Variants in OR52A1 observed in about 807,000 individuals in gnomAD.
The protein encoded by OR52A1 is olfactory receptor family 52 subfamily A member 1, also known as olfactory receptor 52A1.
OR52A1 carries 14 observed loss-of-function variants against 14.3 expected under a neutral mutation model. The ratio of observed to expected loss-of-function variants is 0.98; its 90% CI spans 0.65 to 1.54. The LOEUF (loss-of-function observed/expected upper bound fraction) is 1.54, where lower values mean the gene tolerates loss of function less well. Among genes scored for constraint, OR52A1 ranks in the 40% most tolerant of loss-of-function variants. The pLI is 0.00. For synonymous variants in OR52A1, 151 were observed against 135.3 expected, an observed-to-expected ratio of 1.12 and a Z score of -0.80; for missense variants, 405 against 381.3, an observed-to-expected ratio of 1.06 and a Z score of -0.52.
At position 5,148,738 on chromosome 11, in the gene OR52A1, G is replaced by A. The variant is rs1256838100; in HGVS notation, c.*2693C>T. The A allele has an allele frequency of 6.6e-6, 1 of 151,934 alleles. No homozygotes were observed. The highest frequency in any genetic ancestry group is 1.5e-5 in the Non-Finnish European group (1 of 67,982). The allele number at this position is 151,934 out of a possible 1,614,324, so 9.4% of individuals were successfully genotyped here. On this transcript the variant is annotated 3_prime_UTR_variant, in exon 2 of 2. Coordinates refer to ENST00000380367, the MANE Select transcript of OR52A1 (RefSeq NM_012375.3). Reference sequence around the variant, plus strand: ...TTTACTCATCAAATTTTAAACTCAAGAAGAAAATAAATGGACACAAATTAG... The same window carrying A: ...TTTACTCATCAAATTTTAAACTCAAAAAGAAAATAAATGGACACAAATTAG...
rs375590804 is a variant in OR52A1, at chr11:5,151,768, T to C, written c.602A>G (p.Tyr201Cys). ...AAANVQVNKI[Y>C]GLFVAFTVAG... ...TACAGTGAAGGCCACAAACAAACCA[T>C]AGATTTTGTTGACTTGAACATTTGC... is the stretch of plus-strand genomic sequence containing the variant. The change falls in exon 2 of 2, where the codon TAT becomes TGT. Residue 201 changes from tyrosine (Y) to cysteine (C), a missense_variant. Physicochemically the swap from Tyr to Cys is radical, Grantham distance 194. Coordinates refer to ENST00000380367, the MANE Select transcript of OR52A1 (RefSeq NM_012375.3). 2.4e-5 allele frequency: 39 copies of C among 1,614,038 alleles called. No homozygotes were observed. Among genetic ancestry groups the C allele is most frequent in the Non-Finnish European group, 3.1e-5 (36 of 1,180,018 alleles).
Position 5,149,466 on chromosome 11 carries a change from ACT to A in OR52A1, c.*1963_*1964del, listed in dbSNP as rs1006442598. On this transcript the variant is annotated 3_prime_UTR_variant, in exon 2 of 2. Transcript: ENST00000380367. ...TTGTAATCAATTTGGTGATGGGGAA[ACT>A]CTAACTTTCAGCTACACTTTGTTAC... 3.9e-5 allele frequency: 6 copies of A among 152,046 alleles called. No individual in the cohort carries two copies. The highest frequency in any genetic ancestry group is 1.4e-4 in the African/African-American group (6 of 41,390). The allele number at this position is 152,046 out of a possible 1,614,324, so 9.4% of individuals were successfully genotyped here. A position where few individuals can be genotyped will look rare whatever the true frequency, so the allele number is the denominator to read the frequency against.
rs1564852894 is a variant in OR52A1 at position 5,151,427 on chromosome 11, G to A, written c.*4C>T. ...AAGCATGTAGGCATTAATTAAGGTG[G>A]ATTTTATGAACAGAACATTTTTACC... is the stretch of plus-strand genomic sequence containing the variant. On this transcript the variant is annotated 3_prime_UTR_variant, in exon 2 of 2. Coordinates refer to ENST00000380367, the MANE Select transcript of OR52A1 (RefSeq NM_012375.3). The A allele has an allele frequency of 6.3e-7, 1 of 1,594,242 alleles. No homozygotes were observed. Among genetic ancestry groups the A allele is most frequent in the South Asian group, 1.1e-5 (1 of 87,524 alleles).
Position 5,146,858 on chromosome 11 carries a change from C to T in OR52A1, c.*4573G>A, listed in dbSNP as rs371939524. 9.8e-5 allele frequency: 15 copies of T among 152,286 alleles called. No homozygotes were observed. Among genetic ancestry groups the T allele is most frequent in the Middle Eastern group, 6.8e-3 (2 of 294 alleles). 9.4% of individuals were successfully genotyped at this position (152,286 alleles called of 1,614,324 possible). ...GTTAGTCTCAGACCTTGCATGGAGG[C>T]GACCACAGTTACTGTCCTCTGTTCC... is the stretch of plus-strand genomic sequence containing the variant. On this transcript the variant is annotated 3_prime_UTR_variant, in exon 2 of 2. Transcript: ENST00000380367.
intron 1 of OR52A1, among the ~76,000 whole-genome samples, chr11:5,153,758 G>A (rs1011782879): frequency 6.7e-6 from 1 of 149,532 alleles, no homozygotes; most frequent in Non-Finnish European, 1.5e-5. Context: ...CTAACCGTAT[G>A]CTTCATGTCA....
At position 5,151,727 on chromosome 11, in the gene OR52A1, T is replaced by G; in HGVS notation, c.643A>C (p.Thr215Pro). ...TGGATGTAGGACAATGTGATGAATG[T>G]GAGGTCAAATCCTGCTACAGTGAAG... is the stretch of plus-strand genomic sequence containing the variant. ...VAFTVAGFDL[T>P]FITLSYIQIF... The change falls in exon 2 of 2, where the codon ACA (threonine) becomes CCA (proline). Residue 215 changes from threonine to proline, a missense_variant. By Grantham distance (38) the Thr-to-Pro change is conservative. Transcript: ENST00000380367. The G allele has an allele frequency of 6.2e-7, 1 of 1,614,204 alleles. No individual in the cohort carries two copies. The highest frequency in any genetic ancestry group is 8.5e-7 in the Non-Finnish European group (1 of 1,180,026).
chr11:5,152,364 G>A lies in OR52A1; in HGVS notation c.6C>T (p.Ser2=). 1 of 1,593,198 alleles carries A rather than the reference G, an allele frequency of 6.3e-7. No homozygotes were observed. The highest frequency in any genetic ancestry group is 8.6e-7 in the Non-Finnish European group (1 of 1,165,190). The change falls in exon 2 of 2, where the codon TCC becomes TCT. Residue 2 remains serine, a synonymous_variant. Transcript: ENST00000380367. ...GCATGTAGACTGTGATGTTGGAAAT[G>A]GACATAGTGTCGTTGGGTCTCCTGA... is the stretch of plus-strand genomic sequence containing the variant. M[S]ISNITVYMPS... is the part of the protein sequence containing the mutation.
chr11:5,151,571 A>T lies in OR52A1; in HGVS notation c.799T>A (p.Phe267Ile). 1 of 1,614,098 alleles carries T rather than the reference A, an allele frequency of 6.2e-7. No individual in the cohort carries two copies. The highest frequency in any genetic ancestry group is 8.5e-7 in the Non-Finnish European group (1 of 1,179,968). The change falls in exon 2 of 2, where the codon TTT (phenylalanine) becomes ATT (isoleucine). Residue 267 changes from phenylalanine to isoleucine, a missense_variant. By Grantham distance (21) the Phe-to-Ile change is conservative. Transcript: ENST00000380367. Reference sequence around the variant, plus strand: ...ATATAAGGGGAGATGTGAGACCCAAACCTATGTGTGAAGAAGGAGAAGAAG... The same window carrying T: ...ATATAAGGGGAGATGTGAGACCCAATCCTATGTGTGAAGAAGGAGAAGAAG... ...LAFFSFFTHR[F>I]GSHISPYIHI...
Position 5,147,573 on chromosome 11 carries a change from C to T in OR52A1, c.*3858G>A, listed in dbSNP as rs1056351453. 2.6e-5 allele frequency: 4 copies of T among 152,152 alleles called. No homozygotes were observed. The highest frequency in any genetic ancestry group is 5.9e-5 in the Non-Finnish European group (4 of 68,012). 9.4% of individuals were successfully genotyped at this position (152,152 alleles called of 1,614,324 possible). On this transcript the variant is annotated 3_prime_UTR_variant, in exon 2 of 2. Transcript: ENST00000380367. ...TCCCTGCAGATTTTGGATTTGCCAG[C>T]CTTCATAACTGTGTGAGTCAGGTTC...
Position 5,152,637 on chromosome 11 carries a change from A to C in OR52A1, c.-268T>G. The C allele has an allele frequency of 2.8e-6, 1 of 351,070 alleles. No homozygotes were observed. The highest frequency in any genetic ancestry group is 2.1e-5 in the African/African-American group (1 of 48,490). 21.7% of individuals were successfully genotyped at this position (351,070 alleles called of 1,614,324 possible). A position where few individuals can be genotyped will look rare whatever the true frequency, so the allele number is the denominator to read the frequency against. ...AATCCAAATACATTAGAACCAGCAA[A>C]ATCACCTGGACAGGGGATTGGACTA... On this transcript the variant is annotated 5_prime_UTR_variant, in exon 2 of 2. In the 5' UTR this introduces an upstream ATG that the reference lacks. Coordinates refer to ENST00000380367, the MANE Select transcript of OR52A1 (RefSeq NM_012375.3).
At position 5,152,470 on chromosome 11, in the gene OR52A1, C is replaced by T; in HGVS notation, c.-101G>A. On this transcript the variant is annotated 5_prime_UTR_variant, in exon 2 of 2. Coordinates refer to ENST00000380367, the MANE Select transcript of OR52A1 (RefSeq NM_012375.3). ...TTTCTCCAAACTCATTATATTGAGT[C>T]TGTCTGATTTGGGTATAACTCTAAA... 6 of 797,912 alleles carry T rather than the reference C, an allele frequency of 7.5e-6. No homozygotes were observed. Among genetic ancestry groups the T allele is most frequent in the Middle Eastern group, 2.4e-4 (1 of 4,218 alleles). 49.4% of individuals were successfully genotyped at this position (797,912 alleles called of 1,614,324 possible).
rs965227352 is a variant in OR52A1 at position 5,149,688 on chromosome 11, A to G, written c.*1743T>C. The G allele has an allele frequency of 6.6e-6, 1 of 152,220 alleles. No homozygotes were observed. 9.4% of individuals were successfully genotyped at this position (152,220 alleles called of 1,614,324 possible). ...TCTTTTTCCATAAAGCCTTAGCTAT[A>G]TATTATTTGGCCATTTATGTAAAAG... is the stretch of plus-strand genomic sequence containing the variant. On this transcript the variant is annotated 3_prime_UTR_variant, in exon 2 of 2. Coordinates refer to ENST00000380367, the MANE Select transcript of OR52A1 (RefSeq NM_012375.3).
chr11:5,148,511 C>A lies in OR52A1; in HGVS notation c.*2920G>T, dbSNP rs1846507195. ...AAAGTGCTGGGATTACAGGCGTGAG[C>A]CACCGCACCCGGCCTGAAAGCATTT... On this transcript the variant is annotated 3_prime_UTR_variant, in exon 2 of 2. Coordinates refer to ENST00000380367, the MANE Select transcript of OR52A1 (RefSeq NM_012375.3). The A allele has an allele frequency of 6.6e-6, 1 of 152,378 alleles. No individual in the cohort carries two copies. The highest frequency in any genetic ancestry group is 2.4e-5 in the African/African-American group (1 of 41,428). The allele number at this position is 152,378 out of a possible 1,614,324, so 9.4% of individuals were successfully genotyped here. A position where few individuals can be genotyped will look rare whatever the true frequency, so the allele number is the denominator to read the frequency against.
At position 5,148,227 on chromosome 11, in the gene OR52A1, C is replaced by CT. The variant is rs59229196; in HGVS notation, c.*3203dup. 1.9e-3 allele frequency: 236 copies of CT among 123,804 alleles called. 2 individuals are homozygous for CT. Among genetic ancestry groups the CT allele is most frequent in the African/African-American group, 6.5e-3 (223 of 34,482 alleles). 7.7% of individuals were successfully genotyped at this position (123,804 alleles called of 1,614,324 possible). ...AGCTAGAAGGTTCAGTTCCTGAAAT[C>CT]TTTTTTTTTTTTTTTTGAGACGGTG... is the stretch of plus-strand genomic sequence containing the variant. On this transcript the variant is annotated 3_prime_UTR_variant, in exon 2 of 2. Coordinates refer to ENST00000380367, the MANE Select transcript of OR52A1 (RefSeq NM_012375.3).
rs1589863748 is a variant in OR52A1, at chr11:5,146,877, C to T, written c.*4554G>A. The T allele has an allele frequency of 6.6e-6, 1 of 152,250 alleles. No individual in the cohort carries two copies. Among genetic ancestry groups the T allele is most frequent in the African/African-American group, 2.4e-5 (1 of 41,472 alleles). The allele number at this position is 152,250 out of a possible 1,614,324, so 9.4% of individuals were successfully genotyped here. A position where few individuals can be genotyped will look rare whatever the true frequency, so the allele number is the denominator to read the frequency against. ...TGGAGGCGACCACAGTTACTGTCCTCTGTTCCCATCCTCGACTCTTTAGAG... is the reference window on the plus strand; with the variant it reads ...TGGAGGCGACCACAGTTACTGTCCTTTGTTCCCATCCTCGACTCTTTAGAG... On this transcript the variant is annotated 3_prime_UTR_variant, in exon 2 of 2. Coordinates refer to ENST00000380367, the MANE Select transcript of OR52A1 (RefSeq NM_012375.3).
rs1331142902 is a variant in OR52A1 at position 5,151,851 on chromosome 11, G to A, written c.519C>T (p.His173=). ...VLIKCRFQFY[H]TTVISHSYCE... ...AGTAGGAGTGGGAGATGACTGTTGT[G>A]TGATAAAATTGAAACCGGCACTTTA... The change falls in exon 2 of 2, where the codon CAC becomes CAT. Residue 173 remains histidine, a synonymous_variant. Coordinates refer to ENST00000380367, the MANE Select transcript of OR52A1 (RefSeq NM_012375.3). 8.7e-6 allele frequency: 14 copies of A among 1,614,046 alleles called. No individual in the cohort carries two copies. The East Asian group carries it at 2.2e-4, about 26-fold the overall frequency.
At position 5,149,852 on chromosome 11, in the gene OR52A1, A is replaced by T. The variant is rs1846521576; in HGVS notation, c.*1579T>A. On this transcript the variant is annotated 3_prime_UTR_variant, in exon 2 of 2. Coordinates refer to ENST00000380367, the MANE Select transcript of OR52A1 (RefSeq NM_012375.3). ...TCTAGTAGATATTGAAACTTGAAACAGTCTCAAAAGATCCCTTAAGATAGC... is the reference window on the plus strand; with the variant it reads ...TCTAGTAGATATTGAAACTTGAAACTGTCTCAAAAGATCCCTTAAGATAGC... 1 of 152,236 alleles carries T rather than the reference A, an allele frequency of 6.6e-6. No individual in the cohort carries two copies. Among genetic ancestry groups the T allele is most frequent in the South Asian group, 2.1e-4 (1 of 4,834 alleles). The allele number at this position is 152,236 out of a possible 1,614,324, so 9.4% of individuals were successfully genotyped here.
rs755421724 is a variant in OR52A1, at chr11:5,151,969, T to A, written c.401A>T (p.His134Leu). The change falls in exon 2 of 2, where the codon CAT becomes CTT. Residue 134 changes from histidine to leucine, a missense_variant. His to Leu is a moderately conservative substitution (Grantham distance 99). Transcript: ENST00000380367. ...AAGCTGGTGGGTGAAGATGTTGGCATGTCTTAGTGGATAACAGATGGCCAC... is the reference window on the plus strand; with the variant it reads ...AAGCTGGTGGGTGAAGATGTTGGCAAGTCTTAGTGGATAACAGATGGCCAC... ...RYVAICYPLR[H>L]ANIFTHQLVI... The A allele has an allele frequency of 6.2e-6, 10 of 1,613,962 alleles. No homozygotes were observed. In the African/African-American group the frequency reaches 1.2e-4, roughly 19 times the overall value.
In OR52A1 at chr11:5,147,364, G is replaced by A. The variant is rs911972618; in HGVS notation, c.*4067C>T. ...GTGTGGGTATTTCTGGATGAGACTGGCATTTAAATTAATAAACTTTGAGTA... is the reference window on the plus strand; with the variant it reads ...GTGTGGGTATTTCTGGATGAGACTGACATTTAAATTAATAAACTTTGAGTA... On this transcript the variant is annotated 3_prime_UTR_variant, in exon 2 of 2. Coordinates refer to ENST00000380367, the MANE Select transcript of OR52A1 (RefSeq NM_012375.3). 3 of 152,190 alleles carry A rather than the reference G, an allele frequency of 2.0e-5. No homozygotes were observed. The highest frequency in any genetic ancestry group is 6.5e-5 in the Admixed American group (1 of 15,274). 9.4% of individuals were successfully genotyped at this position (152,190 alleles called of 1,614,324 possible). A position where few individuals can be genotyped will look rare whatever the true frequency, so the allele number is the denominator to read the frequency against.
Sources: allele counts gnomAD v4.1 joint callset (sites outside exome capture counted in the v4.1 genomes callset), GRCh38; gene constraint gnomAD v4.1.1; transcripts MANE v1.5; gene names NCBI Gene and HGNC (gene_info 2026-07-23, HGNC 2026-07-21).